The following NPL variants were observed in gnomAD, a reference collection of about 807,000 sequenced individuals.
NPL encodes N-acetylneuraminate pyruvate lyase.
Under a neutral mutation model 41.1 loss-of-function variants are expected in NPL, and 32 were observed. That is an observed-to-expected ratio of 0.78 (90% CI 0.59 to 1.05). The LOEUF is 1.05. NPL is among the 50% of genes least tolerant of loss of function. The probability of loss-of-function intolerance (pLI) is 0.00; values close to 1 mark genes in which losing one functional copy is unlikely to be tolerated. For missense variants in NPL, 321 were observed against 378.4 expected (o/e 0.85, Z 1.26); for synonymous variants, 128 against 134.9 (o/e 0.95, Z 0.35).
At chr1:182,815,073 T>C (rs752971210) in intron 7 of NPL, among the ~76,000 whole-genome samples, 87 of 152,330 alleles carry the variant, frequency 5.7e-4, no homozygotes, top group Non-Finnish European at 1.0e-3. Flanking sequence ...GTAATTGATC[T>C]GATTGGGTCA....
intron 10 of NPL, among the ~76,000 whole-genome samples, chr1:182,820,327 C>A (rs927294907): frequency 4.6e-5 from 7 of 152,176 alleles, no homozygotes; most frequent in Admixed American, 2.0e-4. Flanking sequence ...ACCAGGGGAG[C>A]AAAATAACAT....
chr1:182,809,474 A>T (rs2102547976), intron 5 of NPL, among the ~76,000 whole-genome samples: 1 of 149,826 alleles, frequency 6.7e-6, no homozygotes, highest in African/African-American at 2.5e-5. Flanking sequence ...CTGGAGGTGG[A>T]GGTTGCAGTG....
chr1:182,798,684 A>G (rs1338444983), intron 3 of NPL, among the ~76,000 whole-genome samples: 1 of 152,224 alleles, frequency 6.6e-6, no homozygotes, highest in Non-Finnish European at 1.5e-5. Flanking sequence ...AATCTTCACA[A>G]TACCCTCTGG....
chr1:182,816,075 C>T (rs1667322414), intron 7 of NPL, among the ~76,000 whole-genome samples: 1 of 152,296 alleles, frequency 6.6e-6, no homozygotes, highest in Admixed American at 6.5e-5. Context: ...CAGTGGCATC[C>T]AAAGCAGGAG....
intron 3 of NPL, among the ~76,000 whole-genome samples, chr1:182,794,852 G>A (rs182657675): frequency 2.0e-5 from 3 of 152,272 alleles, no homozygotes; most frequent in South Asian, 2.1e-4. Flanking sequence ...GTCTCTGGAC[G>A]TCAGCATGAT....
In NPL at chr1:182,829,869, C is replaced by T. The variant is rs909258620; in HGVS notation, c.*961C>T. Reference sequence around the variant, plus strand: ...TCTCCATACCTCCTTTTACTCTTTTCTTTCTGTGTAATGTATCAACAACTG... The same window carrying T: ...TCTCCATACCTCCTTTTACTCTTTTTTTTCTGTGTAATGTATCAACAACTG... On this transcript the variant is annotated 3_prime_UTR_variant, in exon 13 of 13. Coordinates refer to ENST00000367553, the MANE Select transcript of NPL (RefSeq NM_030769.3). 1.9e-6 allele frequency: 1 copy of T among 528,068 alleles called. No homozygotes were observed. Among genetic ancestry groups the T allele is most frequent in the Non-Finnish European group, 3.4e-6 (1 of 292,024 alleles). 32.7% of individuals were successfully genotyped at this position (528,068 alleles called of 1,614,324 possible).
At chr1:182,798,736 G>A (rs1162948368) in intron 3 of NPL, among the ~76,000 whole-genome samples, 6 of 152,226 alleles carry the variant, frequency 3.9e-5, no homozygotes, top group Non-Finnish European at 8.8e-5. Flanking sequence ...GGCCTGGCCT[G>A]CTAGAGTCAG....
rs551669036 is a variant in NPL at position 182,811,518 on chromosome 1, T to G, written c.231-638T>G. 4.9e-4 allele frequency among the ~76,000 whole-genome samples: 74 copies of G among 152,316 alleles called. 1 individual carries two copies. Among genetic ancestry groups the G allele is most frequent in the Middle Eastern group, 3.4e-3 (1 of 294 alleles). ...TGCTGGGATTATAGATATGAGCCAC[T>G]GCACCTAACCTATAATTGATTTTTA... is the stretch of plus-strand genomic sequence containing the variant. On this transcript the variant is annotated intron_variant, in intron 5 of 12. Transcript: ENST00000367553.
chr1:182,819,919 G>A (rs916734757), intron 10 of NPL, among the ~76,000 whole-genome samples: 1 of 152,258 alleles, frequency 6.6e-6, no homozygotes, highest in African/African-American at 2.4e-5. Context: ...AGAGGAGGAT[G>A]TACAACCAGG....
intron 8 of NPL, 59 bp from the exon 9 acceptor site, chr1:182,818,482 T>C (rs992980329): frequency 6.2e-7 from 1 of 1,602,138 alleles, no homozygotes; most frequent in African/African-American, 1.3e-5. Flanking sequence ...CATGACACTA[T>C]ATGAGATGTT....
intron 10 of NPL, 74 bp from the exon 11 acceptor site, chr1:182,822,041 A>C (rs577413095): frequency 1.0e-6 from 1 of 991,266 alleles, no homozygotes; most frequent in African/African-American, 1.6e-5. Flanking sequence ...CCTTTTAAAC[A>C]GCAGAGGGAT....
At chr1:182,820,229 A>G (rs757869119) in intron 10 of NPL, among the ~76,000 whole-genome samples, 7 of 152,260 alleles carry the variant, frequency 4.6e-5, no homozygotes, top group Non-Finnish European at 1.0e-4. Context: ...AGGCAATTCA[A>G]TTAGCATGTC....
chr1:182,827,372 GTCTT>G (rs1315612741), intron 12 of NPL, among the ~76,000 whole-genome samples: 1 of 152,120 alleles, frequency 6.6e-6, no homozygotes, highest in African/African-American at 2.4e-5. Context: ...TGAAGGCTTT[GTCTT>G]TCTTTAGTTC....
In NPL at chr1:182,829,132, T is replaced by A. The variant is rs1001610603; in HGVS notation, c.*224T>A. Reference sequence around the variant, plus strand: ...TCAGTCATTCATTTCACAGATTTTTTTGTGGAGAAATTTCTGTTTATATGG... The same window carrying A: ...TCAGTCATTCATTTCACAGATTTTTATGTGGAGAAATTTCTGTTTATATGG... On this transcript the variant is annotated 3_prime_UTR_variant, in exon 13 of 13. Coordinates refer to ENST00000367553, the MANE Select transcript of NPL (RefSeq NM_030769.3). 5.8e-6 allele frequency: 8 copies of A among 1,378,562 alleles called. No homozygotes were observed. The highest frequency in any genetic ancestry group is 7.5e-6 in the Non-Finnish European group (8 of 1,070,596). The allele number at this position is 1,378,562 out of a possible 1,614,324, so 85.4% of individuals were successfully genotyped here.
At chr1:182,814,898 C>T (rs369187526) in intron 7 of NPL, 40 bp downstream of exon 7, 1 of 1,467,874 alleles carries the variant, frequency 6.8e-7, no homozygotes, top group African/African-American at 1.4e-5. Flanking sequence ...CTCACATGGT[C>T]CACTTCTTCT....
rs1451560372 is a variant in NPL, at chr1:182,828,909, T to A, written c.*1T>A. ...TGGAAACTTGGAAGCTGGTAGCTAG[T>A]GCCTCTCTATCAAATCAGGGTTTGC... On this transcript the variant is annotated 3_prime_UTR_variant, in exon 13 of 13. Transcript: ENST00000367553. This position sits in a 1 kb window ranked among gnomAD's most constrained non-coding sequence, Gnocchi z 4.0. 1 of 1,614,184 alleles carries A rather than the reference T, an allele frequency of 6.2e-7. No individual in the cohort carries two copies. Among genetic ancestry groups the A allele is most frequent in the Non-Finnish European group, 8.5e-7 (1 of 1,180,020 alleles).
chr1:182,794,304 T>A, intron 2 of NPL, 52 bp from the exon 3 acceptor site: 1 of 1,487,014 alleles, frequency 6.7e-7, no homozygotes. Context: ...CTGGGAGTTT[T>A]ATCATTGACA....
intron 5 of NPL, among the ~76,000 whole-genome samples, chr1:182,809,485 A>AGCTGAGATTGCACC (rs1272234008): frequency 6.6e-6 from 1 of 151,404 alleles, no homozygotes; most frequent in Non-Finnish European, 1.5e-5. Flanking sequence ...GGTTGCAGTG[A>AGCTGAGATTGCACC]GCTGAGATTG....
Position 182,803,796 on chromosome 1 carries a change from T to C in NPL, c.142+25T>C, listed in dbSNP as rs770624073. 2.7e-6 allele frequency: 4 copies of C among 1,494,630 alleles called. No homozygotes were observed. The Admixed American group carries it at 6.7e-5, about 25-fold the overall frequency. 92.6% of individuals were successfully genotyped at this position (1,494,630 alleles called of 1,614,324 possible). On this transcript the variant is annotated intron_variant, in intron 4 of 12. Transcript: ENST00000367553. Reference sequence around the variant, plus strand: ...GGTAAGTCAACTCTGGGGATGTCGCTGCATGTCTCCAGCTCAGTCTTTAGA... The same window carrying C: ...GGTAAGTCAACTCTGGGGATGTCGCCGCATGTCTCCAGCTCAGTCTTTAGA...
Sources: gnomAD v4.1 joint callset for allele counts (sites outside exome capture counted in the v4.1 genomes callset) on GRCh38, gnomAD v4.1.1 for gene constraint, Gnocchi (gnomAD v3.1) non-coding constraint, MANE v1.5 for transcripts, NCBI Gene and HGNC (gene_info 2026-07-23, HGNC 2026-07-21) for gene names.